The following MTA3 variants were observed in gnomAD, a reference collection of about 807,000 sequenced individuals.
MTA3 encodes the protein metastasis-associated protein MTA3.
MTA3 carries 34 observed loss-of-function variants against 83.5 expected under a neutral mutation model. The observed-to-expected ratio is 0.41, with a 90% confidence interval of 0.31 to 0.54. The LOEUF (loss-of-function observed/expected upper bound fraction) is 0.54, where lower values mean the gene tolerates loss of function less well. Ranked by LOEUF, MTA3 falls within the 20% of genes least tolerant of loss-of-function variation. The probability of loss-of-function intolerance (pLI) is 0.33; values close to 1 mark genes in which losing one functional copy is unlikely to be tolerated. For synonymous variants in MTA3, 303 were observed against 252.7 expected, an observed-to-expected ratio of 1.20 and a Z score of -1.89; for missense variants, 761 against 726.4, an observed-to-expected ratio of 1.05 and a Z score of -0.55.
rs113751982 is a variant in MTA3, at chr2:42,628,355, C to T, written c.318-11818C>T. ...AAGTGATTCTCTTGCCTCAGCCTCC[C>T]GAGTAGCTGGGATTACAGGCGCCCA... On this transcript the variant is annotated intron_variant, in intron 4 of 16. Transcript: ENST00000405094. Among the ~76,000 whole-genome samples the T allele has an allele frequency of 4.7e-4, 72 of 151,986 alleles. 1 individual carries two copies. Among genetic ancestry groups the T allele is most frequent in the African/African-American group, 1.6e-3 (65 of 41,450 alleles).
At chr2:42,713,644 A>G (rs1226046236) in intron 14 of MTA3, among the ~76,000 whole-genome samples, 4 of 152,226 alleles carry the variant, frequency 2.6e-5, no homozygotes, top group African/African-American at 7.2e-5. Flanking sequence ...CTGTGCATCT[A>G]TAAGAGTCTA....
At chr2:42,506,962 G>A (rs925706336) in intron 2 of MTA3, among the ~76,000 whole-genome samples, 9 of 152,100 alleles carry the variant, frequency 5.9e-5, no homozygotes, top group African/African-American at 1.9e-4. Flanking sequence ...GAGTACAGTG[G>A]TGCAATTATA....
intron 7 of MTA3, among the ~76,000 whole-genome samples, chr2:42,659,274 G>A (rs1220221822): frequency 2.0e-5 from 3 of 152,146 alleles, no homozygotes; most frequent in Non-Finnish European, 4.4e-5. Context: ...CTTTTTAAAT[G>A]AGATTTTAGT....
intron 2 of MTA3, among the ~76,000 whole-genome samples, chr2:42,527,994 A>C (rs1675796861): frequency 6.6e-6 from 1 of 151,950 alleles, no homozygotes; most frequent in African/African-American, 2.4e-5. Context: ...GTGCAATCTC[A>C]GTTCACTGCA....
chr2:42,563,982 C>A (rs1371623085), upstream of MTA3, among the ~76,000 whole-genome samples: 2 of 152,050 alleles, frequency 1.3e-5, no homozygotes, highest in African/African-American at 4.8e-5. Flanking sequence ...TGCCACCACG[C>A]CCAGTTAATT....
chr2:42,657,999 G>C (rs751008663), intron 7 of MTA3, among the ~76,000 whole-genome samples: 1 of 144,986 alleles, frequency 6.9e-6, no homozygotes, highest in Non-Finnish European at 1.5e-5. Context: ...TTGAACTTGC[G>C]AGACGGAGGT....
intron 9 of MTA3, among the ~76,000 whole-genome samples, chr2:42,688,219 G>A (rs958292631): frequency 1.3e-5 from 2 of 152,152 alleles, no homozygotes; most frequent in Non-Finnish European, 2.9e-5. Context: ...CTACAGGCAT[G>A]TTGTGCCACC....
rs111529507 is a variant in MTA3, at chr2:42,657,294, G to T, written c.602+992G>T. On this transcript the variant is annotated intron_variant, in intron 7 of 16. Transcript: ENST00000405094. ...TTAGATATCACTGTTCATAGAGCCA[G>T]TCACCATGGACGATCCCACTTTTTA... Among the ~76,000 whole-genome samples the T allele has an allele frequency of 6.8e-4, 104 of 152,286 alleles. 1 individual carries two copies. Among genetic ancestry groups the T allele is most frequent in the African/African-American group, 2.4e-3 (98 of 41,564 alleles).
At chr2:42,706,483 A>C (rs905008356) in intron 12 of MTA3, among the ~76,000 whole-genome samples, 1 of 152,202 alleles carries the variant, frequency 6.6e-6, no homozygotes, top group African/African-American at 2.4e-5. Flanking sequence ...GATAAACATG[A>C]ATATAATGGT....
intron 2 of MTA3, among the ~76,000 whole-genome samples, chr2:42,544,332 G>T (rs961372518): frequency 6.6e-6 from 1 of 151,864 alleles, no homozygotes; most frequent in African/African-American, 2.4e-5. Flanking sequence ...TATAGTCCCA[G>T]CTACTCAGGA....
intron 2 of MTA3, among the ~76,000 whole-genome samples, chr2:42,525,876 T>C (rs1330819387): frequency 2.0e-5 from 3 of 151,876 alleles, no homozygotes; most frequent in Non-Finnish European, 2.9e-5. Context: ...CCCAAGCTGG[T>C]CTCAAACTCC....
At chr2:42,740,366 C>T (rs1226022130) in intron 16 of MTA3, among the ~76,000 whole-genome samples, 2 of 152,166 alleles carry the variant, frequency 1.3e-5, no homozygotes, top group African/African-American at 2.4e-5. Context: ...CAAAAACTTG[C>T]CAGTCATAGT....
upstream of MTA3, among the ~76,000 whole-genome samples, chr2:42,494,269 G>C (rs1187756654): frequency 6.6e-6 from 1 of 152,080 alleles, no homozygotes; most frequent in African/African-American, 2.4e-5. Context: ...GCCCAGCGCC[G>C]GGATGCCTGC....
intron 4 of MTA3, among the ~76,000 whole-genome samples, chr2:42,635,379 G>A (rs1415035802): frequency 1.3e-5 from 2 of 152,148 alleles, no homozygotes; most frequent in Non-Finnish European, 2.9e-5. Context: ...TGTAATCCCA[G>A]CATTTTGGGA....
intron 15 of MTA3, among the ~76,000 whole-genome samples, chr2:42,719,722 C>T (rs80261791): frequency 4.6e-5 from 7 of 152,040 alleles, no homozygotes; most frequent in Non-Finnish European, 5.9e-5. Flanking sequence ...GAAGGGGAGG[C>T]ATTTGTATTG....
At chr2:42,522,512 G>A (rs1177768199) in intron 2 of MTA3, among the ~76,000 whole-genome samples, 2 of 152,128 alleles carry the variant, frequency 1.3e-5, no homozygotes, top group African/African-American at 2.4e-5. Flanking sequence ...AAAGGCTGGA[G>A]GGACCCAGTG....
At chr2:42,594,986 C>G (rs535978232) in intron 3 of MTA3, among the ~76,000 whole-genome samples, 25 of 148,206 alleles carry the variant, frequency 1.7e-4, no homozygotes, top group African/African-American at 6.2e-4. Flanking sequence ...ATCTCCTGAC[C>G]TCATGATCTG....
At chr2:42,663,990 C>A (rs1194394703) in intron 8 of MTA3, among the ~76,000 whole-genome samples, 1 of 152,078 alleles carries the variant, frequency 6.6e-6, no homozygotes, top group Non-Finnish European at 1.5e-5. Context: ...GGTGTTTTGT[C>A]ATGTTTGTAT....
intron 14 of MTA3, chr2:42,712,714 G>A (rs1666726393): frequency 6.6e-6 from 1 of 152,060 alleles, no homozygotes; most frequent in Non-Finnish European, 1.5e-5. Flanking sequence ...CAACAGCAAG[G>A]TTATAAAATA....
Sources: allele counts gnomAD v4.1 joint callset (sites outside exome capture counted in the v4.1 genomes callset), GRCh38; gene constraint gnomAD v4.1.1; transcripts MANE v1.5; gene names NCBI Gene and HGNC (gene_info 2026-07-23, HGNC 2026-07-21).